Variants in CD53 observed in about 807,000 individuals in gnomAD.
CD53 encodes the protein leukocyte surface antigen CD53.
CD53 carries 20 observed loss-of-function variants against 27.3 expected under a neutral mutation model. That is an observed-to-expected ratio of 0.73 (90% confidence interval 0.52 to 1.07). The LOEUF (loss-of-function observed/expected upper bound fraction) is 1.07. Among genes scored for constraint, CD53 ranks in the 50% least tolerant of loss-of-function variants. The pLI is 0.00. For synonymous variants in CD53, 106 were observed against 105.3 expected, an observed-to-expected ratio of 1.01 and a Z score of -0.04; for missense variants, 216 against 264.0, an observed-to-expected ratio of 0.82 and a Z score of 1.26.
chr1:110,878,524 C>T (rs181429116), intron 1 of CD53, among the ~76,000 whole-genome samples: 1 of 152,142 alleles, frequency 6.6e-6, no homozygotes, highest in Non-Finnish European at 1.5e-5. Flanking sequence ...AGATTTTATG[C>T]TTTCTTCTTT....
intron 1 of CD53, among the ~76,000 whole-genome samples, chr1:110,877,660 G>A (rs1305322084): frequency 3.3e-5 from 5 of 151,732 alleles, no homozygotes; most frequent in Admixed American, 6.6e-5. Context: ...TCTATAAATC[G>A]CCAAATCCTC....
At chr1:110,875,094 G>C (rs1656071729) in intron 1 of CD53, among the ~76,000 whole-genome samples, 1 of 152,152 alleles carries the variant, frequency 6.6e-6, no homozygotes, top group Admixed American at 6.5e-5. Flanking sequence ...TGCCTAGAGA[G>C]GTGACTGGTG....
chr1:110,883,824 A>G (rs920910742), intron 1 of CD53, among the ~76,000 whole-genome samples: 1 of 151,950 alleles, frequency 6.6e-6, no homozygotes, highest in African/African-American at 2.4e-5. Flanking sequence ...ATTGGCATGA[A>G]GTCATTTATT....
intron 1 of CD53, among the ~76,000 whole-genome samples, chr1:110,884,468 A>C (rs1656487227): frequency 6.6e-6 from 1 of 152,108 alleles, no homozygotes; most frequent in South Asian, 2.1e-4. Context: ...GTTCTATCAC[A>C]ATCAGTTAGT....
chr1:110,879,725 T>A (rs1215580691), intron 1 of CD53, among the ~76,000 whole-genome samples: 2 of 152,134 alleles, frequency 1.3e-5, no homozygotes, highest in Admixed American at 6.5e-5. Context: ...GGTTCTTTTT[T>A]TTTTAACTTA....
intron 4 of CD53, 32 bp downstream of exon 4, chr1:110,894,433 A>T: frequency 1.3e-6 from 2 of 1,517,712 alleles, no homozygotes; most frequent in South Asian, 1.1e-5. Context: ...TTATTGTCTT[A>T]ATACTGAAAG....
chr1:110,882,272 A>G (rs183341828), intron 1 of CD53, among the ~76,000 whole-genome samples: 3 of 152,236 alleles, frequency 2.0e-5, no homozygotes, highest in Admixed American at 1.3e-4. Flanking sequence ...TTTCGTATGG[A>G]GAGAGGTATA....
intron 5 of CD53, among the ~76,000 whole-genome samples, chr1:110,895,462 G>A (rs895953915): frequency 1.1e-4 from 16 of 152,130 alleles, no homozygotes; most frequent in Non-Finnish European, 1.8e-4. Context: ...CTCATGTGCT[G>A]TTTCCACCCA....
intron 1 of CD53, among the ~76,000 whole-genome samples, chr1:110,887,150 G>A (rs575026925): frequency 2.6e-5 from 4 of 151,722 alleles, no homozygotes; most frequent in Non-Finnish European, 4.4e-5. Context: ...TCCAAGCTCC[G>A]TCTCCCGGGT....
chr1:110,875,356 G>T (rs1252645083), intron 1 of CD53, among the ~76,000 whole-genome samples: 1 of 152,178 alleles, frequency 6.6e-6, no homozygotes, highest in African/African-American at 2.4e-5. Flanking sequence ...GTGGGGCTAT[G>T]CCCACCATGT....
intron 2 of CD53, among the ~76,000 whole-genome samples, chr1:110,891,781 G>A (rs2101059707): frequency 6.6e-6 from 1 of 152,282 alleles, no homozygotes; most frequent in African/African-American, 2.4e-5. Flanking sequence ...GATATTGAGT[G>A]CCTCTGTTTT....
chr1:110,894,849 C>A (rs1386905650), intron 4 of CD53, 111 bp from the exon 5 acceptor site: 1 of 779,544 alleles, frequency 1.3e-6, no homozygotes, highest in Non-Finnish European at 2.3e-6. Context: ...TCTGAGGAGA[C>A]CATTTGGAAG....
chr1:110,890,626 C>T (rs955138764), intron 1 of CD53, among the ~76,000 whole-genome samples: 1 of 152,046 alleles, frequency 6.6e-6, no homozygotes, highest in African/African-American at 2.4e-5. Flanking sequence ...AAGGAAAAGT[C>T]AAAATTCTGT....
At chr1:110,880,501 C>T (rs759339843) in intron 1 of CD53, among the ~76,000 whole-genome samples, 9 of 152,114 alleles carry the variant, frequency 5.9e-5, no homozygotes, top group Non-Finnish European at 1.2e-4. Flanking sequence ...TCAGGTTACA[C>T]GGGCCTGAAC....
chr1:110,880,389 GAGGA>G (rs1179386976), intron 1 of CD53: 1 of 152,090 alleles, frequency 6.6e-6, no homozygotes, highest in Non-Finnish European at 1.5e-5. Context: ...GAAAGTGGGA[GAGGA>G]AGGAAGAAGA....
intron 1 of CD53, among the ~76,000 whole-genome samples, chr1:110,882,641 T>C (rs1467054428): frequency 6.6e-6 from 1 of 152,044 alleles, no homozygotes; most frequent in African/African-American, 2.4e-5. Flanking sequence ...TTACAATCTA[T>C]AGATAAATTT....
At chr1:110,886,845 C>T (rs753098941) in intron 1 of CD53, among the ~76,000 whole-genome samples, 6 of 38,904 alleles carry the variant, frequency 1.5e-4, no homozygotes, top group Non-Finnish European at 3.1e-4. Flanking sequence ...ACTCTGTCTC[C>T]AATATATATA....
intron 1 of CD53, among the ~76,000 whole-genome samples, chr1:110,877,879 T>C (rs376361899): frequency 1.4e-4 from 21 of 152,306 alleles, no homozygotes; most frequent in African/African-American, 4.8e-4. Context: ...AGCGATAACT[T>C]TGATTGCACC....
At chr1:110,889,888 A>G (rs1656785800) in intron 1 of CD53, among the ~76,000 whole-genome samples, 1 of 152,228 alleles carries the variant, frequency 6.6e-6, no homozygotes, top group African/African-American at 2.4e-5. Context: ...TATTTTATTA[A>G]AGTAATCATG....
Sources: gnomAD v4.1 joint callset for allele counts (sites outside exome capture counted in the v4.1 genomes callset) on GRCh38, gnomAD v4.1.1 for gene constraint, MANE v1.5 for transcripts, NCBI Gene and HGNC (gene_info 2026-07-23, HGNC 2026-07-21) for gene names.